TAFA2: variants seen among roughly 807,000 people sequenced by gnomAD.
The protein encoded by TAFA2 is TAFA chemokine like family member 2, also known as chemokine-like protein TAFA-2.
Under a neutral mutation model 18.8 loss-of-function variants are expected in TAFA2, and 7 were observed. That is an observed-to-expected ratio of 0.37 (90% CI 0.21 to 0.70). TAFA2 has a LOEUF of 0.70. TAFA2 is among the 30% of genes least tolerant of loss of function. TAFA2 has a pLI of 0.53. For synonymous variants in TAFA2, 60 were observed against 54.2 expected (o/e 1.11, Z -0.47); for missense variants, 122 against 158.1 (o/e 0.77, Z 1.23).
intron 1 of TAFA2, among the ~76,000 whole-genome samples, chr12:61,998,914 G>A (rs1393614359): frequency 3.3e-5 from 5 of 152,170 alleles, no homozygotes; most frequent in East Asian, 3.9e-4. Context: ...TTCACCTCCC[G>A]TATTGCAGGC....
chr12:62,087,226 A>G (rs1868492292), intron 1 of TAFA2, among the ~76,000 whole-genome samples: 2 of 152,126 alleles, frequency 1.3e-5, no homozygotes, highest in African/African-American at 2.4e-5. Context: ...GATAGTCATG[A>G]TGGTTATACA....
At chr12:62,176,242 T>G (rs1183008337) in intron 1 of TAFA2, among the ~76,000 whole-genome samples, 2 of 152,250 alleles carry the variant, frequency 1.3e-5, no homozygotes, top group Non-Finnish European at 2.9e-5. Context: ...GTCTGAATTC[T>G]TCCCATATAA....
chr12:62,015,163 C>A (rs1880891143), intron 1 of TAFA2, among the ~76,000 whole-genome samples: 1 of 152,168 alleles, frequency 6.6e-6, no homozygotes, highest in Admixed American at 6.5e-5. Flanking sequence ...TGGTAGCATT[C>A]CATCTTTTTC....
At chr12:62,221,343 C>A (rs1436883312) in intron 1 of TAFA2, among the ~76,000 whole-genome samples, 2 of 152,016 alleles carry the variant, frequency 1.3e-5, no homozygotes, top group South Asian at 2.1e-4. Context: ...TTTTTGTATT[C>A]TTTGATATTC....
chr12:62,229,847 TTTGTTGTTG>T (rs372113384), intron 1 of TAFA2, among the ~76,000 whole-genome samples: 2 of 151,482 alleles, frequency 1.3e-5, no homozygotes, highest in African/African-American at 2.4e-5. Context: ...GTCCTGGATT[TTTGTTGTTG>T]TTGTTGTTGT....
chr12:62,164,151 C>A (rs1448625934), intron 1 of TAFA2, among the ~76,000 whole-genome samples: 1 of 152,010 alleles, frequency 6.6e-6, no homozygotes, highest in Non-Finnish European at 1.5e-5. Flanking sequence ...TGCCATGAAT[C>A]CTTCTGCATA....
intron 1 of TAFA2, among the ~76,000 whole-genome samples, chr12:62,242,155 T>G (rs1344367788): frequency 6.6e-6 from 1 of 152,206 alleles, no homozygotes; most frequent in Non-Finnish European, 1.5e-5. Flanking sequence ...ATGTGTCCAG[T>G]GTTGATGTTT....
intron 1 of TAFA2, among the ~76,000 whole-genome samples, chr12:62,244,366 A>C (rs2062875645): frequency 6.6e-6 from 1 of 151,548 alleles, no homozygotes; most frequent in Non-Finnish European, 1.5e-5. Flanking sequence ...TTTCTATTTT[A>C]ATAACACTGC....
At chr12:62,005,055 G>A (rs1880501197) in intron 1 of TAFA2, among the ~76,000 whole-genome samples, 1 of 152,010 alleles carries the variant, frequency 6.6e-6, no homozygotes, top group African/African-American at 2.4e-5. Context: ...AGAGATGTAG[G>A]TCAAAGAGTT....
chr12:62,227,614 G>T (rs1433368611), intron 1 of TAFA2, among the ~76,000 whole-genome samples: 1 of 152,136 alleles, frequency 6.6e-6, no homozygotes, highest in Non-Finnish European at 1.5e-5. Context: ...CTGTGTAGAA[G>T]ATTTTAGCTT....
chr12:61,915,142 C>A (rs1418783346), intron 1 of TAFA2, among the ~76,000 whole-genome samples: 1 of 152,126 alleles, frequency 6.6e-6, no homozygotes, highest in Non-Finnish European at 1.5e-5. Flanking sequence ...GCCCGGGCAA[C>A]AGAGCGAGAC....
rs1024765703 is a variant in TAFA2, at chr12:61,815,015, T to C, written c.106+52305A>G. On this transcript the variant is annotated intron_variant, in intron 2 of 4. Coordinates refer to ENST00000416284, the MANE Select transcript of TAFA2 (RefSeq NM_178539.5). ...TCAGAAATGTAAGATAATTAACTTG[T>C]GTTGTTCTAAGTCACCTAGTGTGTG... Among the ~76,000 whole-genome samples, 24 of 151,568 alleles carry C rather than the reference T, an allele frequency of 1.6e-4. 1 individual carries two copies. The highest frequency in any genetic ancestry group is 5.6e-4 in the African/African-American group (23 of 40,822).
chr12:62,157,231 A>G (rs2062376059), intron 1 of TAFA2, among the ~76,000 whole-genome samples: 1 of 152,104 alleles, frequency 6.6e-6, no homozygotes, highest in Admixed American at 6.5e-5. Flanking sequence ...AAGCCTATGA[A>G]TTTTTTCATA....
chr12:62,144,036 A>G (rs2062260136), intron 1 of TAFA2, among the ~76,000 whole-genome samples: 1 of 123,606 alleles, frequency 8.1e-6, no homozygotes, highest in Admixed American at 9.5e-5. Flanking sequence ...TGACAGAGTG[A>G]GACCCTATCT....
At chr12:62,233,064 C>CTTTTTT (rs1565784732) in intron 1 of TAFA2, among the ~76,000 whole-genome samples, 2 of 78,338 alleles carry the variant, frequency 2.6e-5, no homozygotes, top group African/African-American at 5.5e-5. Context: ...ATTTCTGCAT[C>CTTTTTT]TCTTTTTTTT....
rs1870157792 is a variant in TAFA2, at chr12:61,726,163, A to C, written c.385-15746T>G. ...TTTTTAATTTGATATATACCCATTG[A>C]ATGTTTTAAGAGTAGAATAACTTTT... On this transcript the variant is annotated intron_variant, in intron 4 of 4. Transcript: ENST00000416284. Among the ~76,000 whole-genome samples the C allele has an allele frequency of 3.3e-5, 5 of 151,618 alleles. No homozygotes were observed. In the South Asian group the frequency reaches 8.3e-4, roughly 25 times the overall value.
At chr12:62,205,471 C>T (rs979710361) in intron 1 of TAFA2, among the ~76,000 whole-genome samples, 2 of 152,216 alleles carry the variant, frequency 1.3e-5, no homozygotes, top group African/African-American at 4.8e-5. Context: ...GGCCACTCCT[C>T]CCCTCAGCAG....
chr12:62,054,614 T>C (rs1245758221), intron 1 of TAFA2, among the ~76,000 whole-genome samples: 1 of 152,214 alleles, frequency 6.6e-6, no homozygotes, highest in Non-Finnish European at 1.5e-5. Context: ...AAACTTTGAA[T>C]AAAAATGGAT....
chr12:62,072,376 G>A (rs775750995), intron 1 of TAFA2, among the ~76,000 whole-genome samples: 14 of 152,058 alleles, frequency 9.2e-5, no homozygotes, highest in Non-Finnish European at 2.1e-4. Context: ...GGCTGAGGCA[G>A]GAGAATGGCG....
Sources: allele counts gnomAD v4.1 joint callset (sites outside exome capture counted in the v4.1 genomes callset), GRCh38; gene constraint gnomAD v4.1.1; transcripts MANE v1.5; gene names NCBI Gene and HGNC (gene_info 2026-07-23, HGNC 2026-07-21).